MED13: variants seen among roughly 807,000 people sequenced by gnomAD.
MED13 encodes mediator of RNA polymerase II transcription subunit 13.
A neutral mutation model predicts 225.2 loss-of-function variants in MED13; 23 were observed. The ratio of observed to expected loss-of-function variants is 0.10; its 90% CI spans 0.07 to 0.14. The LOEUF is 0.14. Ranked by LOEUF, MED13 falls within the 10% of genes least tolerant of loss-of-function variation. MED13 has a pLI of 1.00. For missense variants in MED13, 2,197 were observed against 2,594.5 expected, an observed-to-expected ratio of 0.85 and a Z score of 3.33; for synonymous variants, 942 against 889.2, an observed-to-expected ratio of 1.06 and a Z score of -1.06.
intron 5 of MED13, among the ~76,000 whole-genome samples, chr17:62,032,737 G>C (rs1273236266): frequency 6.6e-6 from 1 of 152,220 alleles, no homozygotes; most frequent in Non-Finnish European, 1.5e-5. Context: ...TGCAGGGTCA[G>C]TGCAGCTTCT....
At chr17:62,049,060 C>A (rs1374341023) in intron 3 of MED13, among the ~76,000 whole-genome samples, 1 of 81,986 alleles carries the variant, frequency 1.2e-5, no homozygotes, top group Non-Finnish European at 2.1e-5. Context: ...TTGGGCACCA[C>A]CATAACAGTA....
At chr17:62,008,228 AG>A (rs1428504776) in intron 9 of MED13, among the ~76,000 whole-genome samples, 1 of 146,692 alleles carries the variant, frequency 6.8e-6, no homozygotes, top group Non-Finnish European at 1.5e-5. Flanking sequence ...CTGAGGCAGG[AG>A]AATGGTGTGA....
intron 20 of MED13, among the ~76,000 whole-genome samples, chr17:61,963,988 G>A (rs2080030908): frequency 6.6e-6 from 1 of 152,136 alleles, no homozygotes; most frequent in Admixed American, 6.5e-5. Context: ...AAGAAAACAT[G>A]CTCAGAAAGT....
intron 16 of MED13, among the ~76,000 whole-genome samples, chr17:61,973,926 T>A (rs1412376532): frequency 6.6e-6 from 1 of 151,930 alleles, no homozygotes; most frequent in African/African-American, 2.4e-5. Context: ...GGGGTTGCAG[T>A]GAGCCGAGAT....
At chr17:61,956,591 T>G (rs771196011) in intron 23 of MED13, 110 bp from the exon 24 acceptor site, 14 of 1,094,292 alleles carry the variant, frequency 1.3e-5, no homozygotes, top group Non-Finnish European at 1.7e-5. Context: ...CTGGATGGAG[T>G]GCAGTGGTGC....
At chr17:61,992,658 A>G in intron 10 of MED13, 37 bp from the exon 11 acceptor site, 1 of 1,414,804 alleles carries the variant, frequency 7.1e-7, no homozygotes, top group Non-Finnish European at 1.0e-6. Context: ...TGAAATATAT[A>G]ATTTACCAAC....
intron 17 of MED13, among the ~76,000 whole-genome samples, chr17:61,968,886 G>T (rs988803385): frequency 5.9e-5 from 9 of 152,208 alleles, no homozygotes; most frequent in African/African-American, 1.7e-4. Flanking sequence ...CGAATAGCTG[G>T]GACTACAGGT....
At chr17:61,990,381 A>G (rs2080285430) in intron 11 of MED13, among the ~76,000 whole-genome samples, 1 of 152,102 alleles carries the variant, frequency 6.6e-6, no homozygotes, top group South Asian at 2.1e-4. Flanking sequence ...AAGACTTGAC[A>G]GTACTTTCAA....
chr17:62,008,058 C>G (rs560703236), intron 9 of MED13, among the ~76,000 whole-genome samples: 2 of 146,274 alleles, frequency 1.4e-5, no homozygotes, highest in East Asian at 4.3e-4. Context: ...TGGCTCACGC[C>G]TGTAATCCCA....
chr17:61,950,728 A>G, intron 28 of MED13, 97 bp downstream of exon 28: 1 of 1,243,738 alleles, frequency 8.0e-7, no homozygotes, highest in Non-Finnish European at 1.1e-6. Context: ...TTAAGAACTT[A>G]GACAAGCTAT....
rs566678456 is a variant in MED13 at position 61,981,022 on chromosome 17, C to A, written c.3805+1176G>T. Among the ~76,000 whole-genome samples, 3 of 147,960 alleles carry A rather than the reference C, an allele frequency of 2.0e-5. No homozygotes were observed. In the East Asian group the frequency reaches 5.8e-4, roughly 29 times the overall value. The stretch of plus-strand genomic sequence containing the variant: ...TAGACGCATGAGCCACCGCACCCAG[C>A]CATTTTTTTTTTCTTTTAGATGGGA... On this transcript the variant is annotated intron_variant, in intron 16 of 29. Coordinates refer to ENST00000397786, the MANE Select transcript of MED13 (RefSeq NM_005121.3).
rs2079946820 is a variant in MED13, at chr17:61,956,572, T to TC, written c.5481-92dup. On this transcript the variant is annotated intron_variant, in intron 23 of 29. Transcript: ENST00000397786. ...TTTTTTGAGATGGAGTCTCACTCTG[T>TC]CACCCAGGCTGGATGGAGTGCAGTG... 3 of 1,325,716 alleles carry TC rather than the reference T, an allele frequency of 2.3e-6. No individual in the cohort carries two copies. In the South Asian group the frequency reaches 4.3e-5, roughly 19 times the overall value. The allele number at this position is 1,325,716 out of a possible 1,614,324, so 82.1% of individuals were successfully genotyped here. A position where few individuals can be genotyped will look rare whatever the true frequency, so the allele number is the denominator to read the frequency against.
At chr17:61,994,471 A>G (rs9915402) in intron 10 of MED13, among the ~76,000 whole-genome samples, 1 of 152,180 alleles carries the variant, frequency 6.6e-6, no homozygotes, top group Non-Finnish European at 1.5e-5. Context: ...AAAATAGCAC[A>G]TATTTTTTAA....
chr17:61,958,348 G>T lies in MED13; in HGVS notation c.5481-1867C>A, dbSNP rs142334657. 1.0e-4 allele frequency among the ~76,000 whole-genome samples: 15 copies of T among 150,380 alleles called. No individual in the cohort carries two copies. In the East Asian group the frequency reaches 3.0e-3, roughly 30 times the overall value. ...ACACCCCACTAATTTTTGTTTTTTG[G>T]TTATTTTTGAGACAAGAGTCTCGCT... is the stretch of plus-strand genomic sequence containing the variant. On this transcript the variant is annotated intron_variant, in intron 23 of 29. Coordinates refer to ENST00000397786, the MANE Select transcript of MED13 (RefSeq NM_005121.3).
rs576084286 is a variant in MED13, at chr17:62,050,724, C to T, written c.470+1813G>A. Among the ~76,000 whole-genome samples the T allele has an allele frequency of 2.6e-5, 4 of 152,296 alleles. No individual in the cohort carries two copies. In the South Asian group the frequency reaches 6.2e-4, roughly 24 times the overall value. On this transcript the variant is annotated intron_variant, in intron 3 of 29. Transcript: ENST00000397786. ...AAACTACATAAATCTATATGCCTGG[C>T]TGGGAGCAGTGGCTCACGCCTGTAA...
At chr17:61,982,145 T>C (rs913651936) in intron 16 of MED13, 53 bp downstream of exon 16, 5 of 1,504,608 alleles carry the variant, frequency 3.3e-6, no homozygotes, top group Non-Finnish European at 4.5e-6. Flanking sequence ...TTCCTAAGAA[T>C]GTAACTAAAG....
At chr17:62,024,885 A>C (rs1603404374) in intron 8 of MED13, among the ~76,000 whole-genome samples, 1 of 152,160 alleles carries the variant, frequency 6.6e-6, no homozygotes, top group Non-Finnish European at 1.5e-5. Context: ...TTATGGCTGC[A>C]CAGTATTCCA....
Position 61,955,848 on chromosome 17 carries a change from T to G in MED13, c.5624-10A>C. ...AGCAAACAGCTCCAATCTGTGGGTATCAACAGTAAAAAAAAAAAAAAAAAA... is the reference window on the plus strand; with the variant it reads ...AGCAAACAGCTCCAATCTGTGGGTAGCAACAGTAAAAAAAAAAAAAAAAAA... On this transcript the variant is annotated splice_polypyrimidine_tract_variant and intron_variant, in intron 24 of 29. Transcript: ENST00000397786. 1 of 972,824 alleles carries G rather than the reference T, an allele frequency of 1.0e-6. No homozygotes were observed. The highest frequency in any genetic ancestry group is 1.3e-6 in the Non-Finnish European group (1 of 753,890). 60.3% of individuals were successfully genotyped at this position (972,824 alleles called of 1,614,324 possible).
intron 1 of MED13, among the ~76,000 whole-genome samples, chr17:62,064,366 T>C (rs1469783657): frequency 6.6e-6 from 1 of 152,216 alleles, no homozygotes; most frequent in Non-Finnish European, 1.5e-5. Flanking sequence ...CCCGCTTCTC[T>C]CGACTTTCCA....
Sources: gnomAD v4.1 joint callset for allele counts (sites outside exome capture counted in the v4.1 genomes callset) on GRCh38, gnomAD v4.1.1 for gene constraint, MANE v1.5 for transcripts, NCBI Gene and HGNC (gene_info 2026-07-23, HGNC 2026-07-21) for gene names.